The following AQR variants were observed in gnomAD, a reference collection of about 807,000 sequenced individuals.
AQR encodes aquarius intron-binding spliceosomal factor.
In AQR, 61 loss-of-function variants were observed where a neutral mutation model predicts 180.5. The observed-to-expected ratio is 0.34, with a 90% CI of 0.28 to 0.42. The LOEUF (loss-of-function observed/expected upper bound fraction) is 0.42, where lower values mean the gene tolerates loss of function less well. Ranked by LOEUF, AQR falls within the 10% of genes least tolerant of loss-of-function variation. The probability of loss-of-function intolerance (pLI) is 1.00; values close to 1 mark genes in which losing one functional copy is unlikely to be tolerated. For synonymous variants in AQR, 551 were observed against 588.8 expected (o/e 0.94, Z 0.93); for missense variants, 1,281 against 1,798.3 (o/e 0.71, Z 5.20).
chr15:34,897,777 A>G, intron 20 of AQR, 72 bp from the exon 21 acceptor site: 2 of 1,495,298 alleles, frequency 1.3e-6, no homozygotes, highest in Middle Eastern at 1.7e-4. Context: ...GGTGCATGAC[A>G]TTGTATGCAC....
At chr15:34,893,585 A>G (rs1893182794) in intron 23 of AQR, 78 bp downstream of exon 23, 5 of 1,243,270 alleles carry the variant, frequency 4.0e-6, no homozygotes, top group Non-Finnish European at 5.8e-6. Flanking sequence ...TAACCTGCAT[A>G]CCCATGTGCA....
At chr15:34,881,360 C>G (rs1459827428) in intron 27 of AQR, among the ~76,000 whole-genome samples, 2 of 152,200 alleles carry the variant, frequency 1.3e-5, no homozygotes, top group Non-Finnish European at 2.9e-5. Context: ...TAGCGCCTAT[C>G]TTTCAGTGAG....
chr15:34,946,041 C>T (rs999951399), intron 5 of AQR, among the ~76,000 whole-genome samples: 5 of 152,132 alleles, frequency 3.3e-5, no homozygotes, highest in Non-Finnish European at 5.9e-5. Context: ...GAGGCCGAGG[C>T]GGGTGGATCA....
rs867526523 is a variant in AQR, at chr15:34,858,127, A to G, written c.4144-1021T>C. ...GCCTCCCAAGTAGCTGGGATTACAG[A>G]CATGTACCACCATGCCTGGCTAATT... On this transcript the variant is annotated intron_variant, in intron 34 of 34. Transcript: ENST00000156471. 4.0e-5 allele frequency among the ~76,000 whole-genome samples: 6 copies of G among 151,494 alleles called. No individual in the cohort carries two copies. The East Asian group carries it at 5.9e-4, about 15-fold the overall frequency.
chr15:34,955,737 G>A (rs957256578), intron 3 of AQR, among the ~76,000 whole-genome samples: 3 of 151,894 alleles, frequency 2.0e-5, no homozygotes, highest in Admixed American at 6.6e-5. Flanking sequence ...GCGAAACCCC[G>A]TCTCTACTAA....
chr15:34,920,541 T>C (rs1893668067), intron 13 of AQR, 107 bp from the exon 14 acceptor site: 14 of 781,942 alleles, frequency 1.8e-5, no homozygotes, highest in Middle Eastern at 3.1e-4. Flanking sequence ...TACTATGACA[T>C]GGGCAGCAAA....
intron 22 of AQR, 88 bp from the exon 23 acceptor site, chr15:34,893,861 T>C (rs1595788832): frequency 1.7e-6 from 2 of 1,149,090 alleles, no homozygotes; most frequent in East Asian, 2.4e-5. Flanking sequence ...ACCTGAAAGA[T>C]AAAATTAACA....
chr15:34,909,743 A>T (rs907308679), intron 17 of AQR, among the ~76,000 whole-genome samples: 3 of 152,036 alleles, frequency 2.0e-5, no homozygotes, highest in Non-Finnish European at 2.9e-5. Context: ...TTTGTATGTT[A>T]TATGTGGGCT....
intron 5 of AQR, among the ~76,000 whole-genome samples, chr15:34,947,407 A>G (rs955588379): frequency 2.7e-5 from 4 of 149,546 alleles, no homozygotes; most frequent in African/African-American, 9.8e-5. Context: ...TAGGAAAACC[A>G]GAGACCTTTG....
chr15:34,947,504 C>G (rs1158513953), intron 5 of AQR, among the ~76,000 whole-genome samples: 2 of 92,666 alleles, frequency 2.2e-5, no homozygotes, highest in Non-Finnish European at 4.7e-5. Flanking sequence ...CAAGAATGAT[C>G]AATAAAAAAA....
chr15:34,896,570 G>A (rs116230951), intron 22 of AQR, among the ~76,000 whole-genome samples: 2,704 of 150,602 alleles, frequency 0.018, 72 homozygotes, highest in African/African-American at 0.057. Context: ...AGGTGTGGCT[G>A]AGTGCGGTGG....
rs186737279 is a variant in AQR, at chr15:34,860,456, T to C, written c.4030-301A>G. ...GAAGAATAGTGATTCCATTGAAATT[T>C]AGAAAGGTTAGAGACTAGAAGAGCT... On this transcript the variant is annotated intron_variant, in intron 33 of 34. Transcript: ENST00000156471. Among the ~76,000 whole-genome samples the C allele has an allele frequency of 2.7e-3, 407 of 151,922 alleles. 2 individuals carry two copies. Among genetic ancestry groups the C allele is most frequent in the African/African-American group, 9.4e-3 (392 of 41,502 alleles).
rs1305811860 is a variant in AQR, at chr15:34,920,391, G to T, written c.1162C>A (p.Pro388Thr). ...GTGTCTTCATTTTTAGGAAGAGTTG[G>T]CAACAAGCAGAGGTATGATGCCACC... ...HQVASYLCLLPTLPKNEDTTF... is the reference protein window; with the variant it reads ...HQVASYLCLLTTLPKNEDTTF... The change falls in exon 14 of 35, where the codon CCA becomes ACA. Residue 388 changes from proline to threonine, a missense_variant. Transcript: ENST00000156471. 1 of 1,613,634 alleles carries T rather than the reference G, an allele frequency of 6.2e-7. No individual in the cohort carries two copies. Among genetic ancestry groups the T allele is most frequent in the Admixed American group, 1.7e-5 (1 of 59,986 alleles).
At chr15:34,962,176 C>A (rs1464176785) in intron 2 of AQR, among the ~76,000 whole-genome samples, 1 of 151,932 alleles carries the variant, frequency 6.6e-6, no homozygotes, top group Non-Finnish European at 1.5e-5. Context: ...CATACACCAC[C>A]ATACCCACCT....
chr15:34,926,817 T>C (rs1893771955), intron 13 of AQR, among the ~76,000 whole-genome samples: 1 of 152,152 alleles, frequency 6.6e-6, no homozygotes, highest in African/African-American at 2.4e-5. Context: ...TCGAAGAAAA[T>C]TGTATACGTC....
At chr15:34,869,341 C>G (rs1215306813) in intron 31 of AQR, 3 of 152,082 alleles carry the variant, frequency 2.0e-5, no homozygotes, top group Admixed American at 2.0e-4. Context: ...GTCATTTGCC[C>G]ATTTTGTATT....
At chr15:34,955,771 T>C (rs553351347) in intron 3 of AQR, among the ~76,000 whole-genome samples, 1 of 151,996 alleles carries the variant, frequency 6.6e-6, no homozygotes, top group African/African-American at 2.4e-5. Context: ...TAGCTAGGCG[T>C]GGTGGCGGGC....
chr15:34,941,946 T>C (rs368060361), intron 7 of AQR, 66 bp downstream of exon 7: 260 of 1,276,254 alleles, frequency 2.0e-4, no homozygotes, highest in Admixed American at 3.1e-4. Flanking sequence ...ATTAAGGCTA[T>C]AGACTAAAAC....
Position 34,900,708 on chromosome 15 carries a change from G to A in AQR, c.2157C>T (p.Leu719=), listed in dbSNP as rs1362825775. 6.2e-7 allele frequency: 1 copy of A among 1,614,068 alleles called. No homozygotes were observed. Among genetic ancestry groups the A allele is most frequent in the Non-Finnish European group, 8.5e-7 (1 of 1,180,036 alleles). The part of the protein sequence containing the change: ...IATLDFNDTF[L]SIEHLKASFP... Reference sequence around the variant, plus strand: ...AGCTGGCTTTTAAATGCTCAATGGAGAGAAATGTATCATTGAAATCAAGGG... The same window carrying A: ...AGCTGGCTTTTAAATGCTCAATGGAAAGAAATGTATCATTGAAATCAAGGG... Residue 719 remains leucine, a synonymous_variant, in exon 20 of 35, where the codon CTC becomes CTT. Coordinates refer to ENST00000156471, the MANE Select transcript of AQR (RefSeq NM_014691.3).
Sources: gnomAD v4.1 joint callset for allele counts (sites outside exome capture counted in the v4.1 genomes callset) on GRCh38, gnomAD v4.1.1 for gene constraint, MANE v1.5 for transcripts, NCBI Gene and HGNC (gene_info 2026-07-23, HGNC 2026-07-21) for gene names.